NMRK1: variants seen among roughly 807,000 people sequenced by gnomAD.
NMRK1 encodes NRK 1.
In NMRK1, 28 loss-of-function variants were observed where a neutral mutation model predicts 29.9. The ratio of observed to expected loss-of-function variants is 0.94; its 90% CI spans 0.69 to 1.28. The LOEUF is 1.28. Ranked by LOEUF, NMRK1 falls within the 50% of genes most tolerant of loss-of-function variation. The probability of loss-of-function intolerance (pLI) is 0.00; values close to 1 mark genes in which losing one functional copy is unlikely to be tolerated. For synonymous variants in NMRK1, 58 were observed against 73.0 expected (o/e 0.79, Z 1.05); for missense variants, 218 against 233.1 (o/e 0.94, Z 0.42).
intron 8 of NMRK1, chr9:75,066,231 G>A (rs745506784): frequency 1.5e-4 from 79 of 517,418 alleles, no homozygotes; most frequent in Admixed American, 2.9e-4. Context: ...CCCCTGTACT[G>A]TCTTTCTGCT....
At chr9:75,066,237 C>A (rs746661434) in intron 8 of NMRK1, 1 of 517,942 alleles carries the variant, frequency 1.9e-6, no homozygotes, top group Non-Finnish European at 3.9e-6. Flanking sequence ...TACTGTCTTT[C>A]TGCTGTAGCC....
At chr9:75,085,304 T>C (rs1824553070) in intron 1 of NMRK1, among the ~76,000 whole-genome samples, 1 of 152,182 alleles carries the variant, frequency 6.6e-6, no homozygotes, top group Non-Finnish European at 1.5e-5. Context: ...TTGCCTAAGG[T>C]CACACAGACA....
intron 3 of NMRK1, 135 bp downstream of exon 3, chr9:75,077,355 T>G: frequency 1.2e-6 from 1 of 840,590 alleles, no homozygotes; most frequent in East Asian, 2.5e-5. Context: ...AGTGGATAAG[T>G]AACACCATTG....
At chr9:75,063,475 A>C (rs932508291) in intron 8 of NMRK1, among the ~76,000 whole-genome samples, 38 of 152,158 alleles carry the variant, frequency 2.5e-4, no homozygotes, top group African/African-American at 8.7e-4. Flanking sequence ...ACTTTGTTTT[A>C]GTAAGAATAA....
intron 2 of NMRK1, among the ~76,000 whole-genome samples, chr9:75,080,922 C>A (rs1824282215): frequency 6.6e-6 from 1 of 152,162 alleles, no homozygotes; most frequent in South Asian, 2.1e-4. Flanking sequence ...CACATATCAC[C>A]ACCATGTTTC....
At chr9:75,066,236 T>A (rs1173242182) in intron 8 of NMRK1, 1 of 517,780 alleles carries the variant, frequency 1.9e-6, no homozygotes, top group Non-Finnish European at 3.9e-6. Flanking sequence ...GTACTGTCTT[T>A]CTGCTGTAGC....
intron 8 of NMRK1, among the ~76,000 whole-genome samples, chr9:75,062,759 T>C (rs114509239): frequency 0.02 from 2,990 of 152,312 alleles, 83 homozygotes; most frequent in African/African-American, 0.062. Flanking sequence ...AGGCTGAGCA[T>C]GGTGGCTGAT....
intron 4 of NMRK1, among the ~76,000 whole-genome samples, chr9:75,074,320 G>A (rs1443668612): frequency 6.6e-6 from 1 of 150,430 alleles, no homozygotes; most frequent in African/African-American, 2.4e-5. Context: ...CACTTAATGT[G>A]GCTACTGGTA....
chr9:75,075,556 C>T (rs1823941287), intron 4 of NMRK1, among the ~76,000 whole-genome samples: 1 of 152,154 alleles, frequency 6.6e-6, no homozygotes, highest in Non-Finnish European at 1.5e-5. Flanking sequence ...ATTCAATGAT[C>T]ATCTTTTTAA....
intron 1 of NMRK1, among the ~76,000 whole-genome samples, chr9:75,083,453 G>A (rs1428016299): frequency 2.0e-5 from 3 of 152,204 alleles, no homozygotes; most frequent in Non-Finnish European, 4.4e-5. Flanking sequence ...GGTATATGAA[G>A]TTTCATCCTC....
chr9:75,069,801 AGT>A lies in NMRK1; in HGVS notation c.328_329del (p.Thr110TyrfsTer4). Reference sequence around the variant, plus strand: ...TCAGGAAATAGCTTCTATTCCATATAGTGTCAAGGGGCCTAAAATAACAGCAT... The same window carrying A: ...TCAGGAAATAGCTTCTATTCCATATAGTCAAGGGGCCTAAAATAACAGCAT... The part of the protein sequence containing the change: ...FLLFNYKPLD[T>X]IWNRSYFLTI... On this transcript the variant is annotated frameshift_variant, in exon 6 of 9. Coordinates refer to ENST00000361092, the MANE Select transcript of NMRK1 (RefSeq NM_017881.3). LOFTEE classifies it high-confidence loss of function. 6.2e-7 allele frequency: 1 copy of A among 1,612,902 alleles called. No individual in the cohort carries two copies. The highest frequency in any genetic ancestry group is 8.5e-7 in the Non-Finnish European group (1 of 1,179,308).
At chr9:75,081,810 T>A (rs1367278660) in intron 2 of NMRK1, among the ~76,000 whole-genome samples, 1 of 152,178 alleles carries the variant, frequency 6.6e-6, no homozygotes, top group Admixed American at 6.5e-5. Context: ...GGGAGACCTA[T>A]GACCTAGGGG....
intron 4 of NMRK1, among the ~76,000 whole-genome samples, chr9:75,072,116 G>A (rs1025201492): frequency 4.6e-5 from 7 of 152,182 alleles, no homozygotes; most frequent in African/African-American, 1.7e-4. Context: ...TTTCTATTCT[G>A]GTAGGCCACC....
chr9:75,077,513 T>A lies in NMRK1; in HGVS notation c.97A>T (p.Ile33Leu), dbSNP rs759594732. 6.2e-7 allele frequency: 1 copy of A among 1,611,328 alleles called. No individual in the cohort carries two copies. Among genetic ancestry groups the A allele is most frequent in the Non-Finnish European group, 8.5e-7 (1 of 1,177,590 alleles). The part of the protein sequence containing the change: ...LQKHLPNCSV[I>L]SQDDFFKPES... ...ACCTTGAAGAAATCATCCTGAGATA[T>A]GACACTGCAATTTGGGAGGTGTTTC... Residue 33 changes from isoleucine (I) to leucine (L), a missense_variant, in exon 3 of 9, where the codon ATA (isoleucine) becomes TTA (leucine). Coordinates refer to ENST00000361092, the MANE Select transcript of NMRK1 (RefSeq NM_017881.3).
At chr9:75,081,652 C>T (rs955713801) in intron 2 of NMRK1, among the ~76,000 whole-genome samples, 1 of 152,108 alleles carries the variant, frequency 6.6e-6, no homozygotes, top group Non-Finnish European at 1.5e-5. Context: ...AGTTGCCTCT[C>T]CAGGTTCCAT....
chr9:75,086,180 A>C (rs1023885025), intron 1 of NMRK1, among the ~76,000 whole-genome samples: 5 of 152,202 alleles, frequency 3.3e-5, no homozygotes, highest in African/African-American at 1.2e-4. Flanking sequence ...CAAAACAAAC[A>C]GGCAAAAAAC....
chr9:75,070,850 A>G (rs1376298369), intron 4 of NMRK1, among the ~76,000 whole-genome samples: 1 of 152,132 alleles, frequency 6.6e-6, no homozygotes, highest in Non-Finnish European at 1.5e-5. Flanking sequence ...GAAATTGTCA[A>G]TTTCACCTAA....
chr9:75,075,213 T>C (rs143824996), intron 4 of NMRK1, among the ~76,000 whole-genome samples: 43 of 152,336 alleles, frequency 2.8e-4, no homozygotes, highest in African/African-American at 8.4e-4. Flanking sequence ...GGGATATTAG[T>C]TTTTCTTATC....
chr9:75,070,128 T>C, intron 4 of NMRK1, 86 bp from the exon 5 acceptor site: 2 of 951,902 alleles, frequency 2.1e-6, no homozygotes, highest in Admixed American at 5.7e-5. Context: ...TCCAGGATTC[T>C]GTAAATATAT....
Sources: allele counts gnomAD v4.1 joint callset (sites outside exome capture counted in the v4.1 genomes callset), GRCh38; gene constraint gnomAD v4.1.1; transcripts MANE v1.5; gene names NCBI Gene and HGNC (gene_info 2026-07-23, HGNC 2026-07-21).